CDH13: variants seen among roughly 807,000 people sequenced by gnomAD.
CDH13 encodes cadherin 13, also known as cadherin-13.
CDH13 carries 24 observed loss-of-function variants against 63.8 expected under a neutral mutation model. The observed-to-expected ratio is 0.38, with a 90% CI of 0.27 to 0.53. The LOEUF (loss-of-function observed/expected upper bound fraction) is 0.53, where lower values mean the gene tolerates loss of function less well. Among genes scored for constraint, CDH13 ranks in the 20% least tolerant of loss-of-function variants. CDH13 has a pLI of 0.85. For synonymous variants in CDH13, 503 were observed against 355.3 expected (o/e 1.42, Z -4.67); for missense variants, 1,049 against 903.1 (o/e 1.16, Z -2.07).
intron 1 of CDH13, among the ~76,000 whole-genome samples, chr16:82,676,647 A>G (rs1398536287): frequency 6.6e-6 from 1 of 152,088 alleles, no homozygotes; most frequent in Non-Finnish European, 1.5e-5. Context: ...TCATTTGATC[A>G]AAATCCTTCA....
chr16:83,177,189 G>T (rs532751943), intron 4 of CDH13, among the ~76,000 whole-genome samples: 1 of 152,208 alleles, frequency 6.6e-6, no homozygotes, highest in African/African-American at 2.4e-5. Flanking sequence ...TGTTCTAAGA[G>T]CATACCTCTG....
intron 1 of CDH13, among the ~76,000 whole-genome samples, chr16:82,640,959 C>A (rs1453929382): frequency 6.6e-6 from 1 of 152,110 alleles, no homozygotes; most frequent in Non-Finnish European, 1.5e-5. Context: ...AATAGAGACA[C>A]AGAATTGGGT....
At chr16:83,196,015 G>C (rs779868499) in intron 4 of CDH13, among the ~76,000 whole-genome samples, 3 of 152,174 alleles carry the variant, frequency 2.0e-5, no homozygotes, top group Non-Finnish European at 4.4e-5. Flanking sequence ...CAGCACTTTG[G>C]GAGGCCGAGG....
intron 1 of CDH13, among the ~76,000 whole-genome samples, chr16:82,717,217 T>A (rs1458366038): frequency 6.6e-6 from 1 of 151,988 alleles, no homozygotes; most frequent in African/African-American, 2.4e-5. Flanking sequence ...CAGAGATGCA[T>A]AAGAGGATGC....
chr16:83,315,538 T>C (rs759358579), intron 5 of CDH13, among the ~76,000 whole-genome samples: 7 of 151,966 alleles, frequency 4.6e-5, no homozygotes, highest in Non-Finnish European at 7.4e-5. Flanking sequence ...AGTAACTGCA[T>C]AAGACCTATA....
At chr16:83,103,201 C>G (rs1017834521) in intron 3 of CDH13, among the ~76,000 whole-genome samples, 1 of 149,780 alleles carries the variant, frequency 6.7e-6, no homozygotes, top group Non-Finnish European at 1.5e-5. Context: ...GATCCACCCA[C>G]CTCAACCTCC....
At chr16:82,998,000 A>G (rs1407174493) in intron 2 of CDH13, among the ~76,000 whole-genome samples, 1 of 152,210 alleles carries the variant, frequency 6.6e-6, no homozygotes, top group Non-Finnish European at 1.5e-5. Flanking sequence ...TCAGTGTTGT[A>G]TTTCATAAAT....
rs577312623 is a variant in CDH13 at position 83,394,616 on chromosome 16, G to A, written c.781+49610G>A. Reference sequence around the variant, plus strand: ...GAATGGTGAGCCGCCAAGGTTTTGAGCAGAAGCGTGACATGACCTGACTTG... The same window carrying A: ...GAATGGTGAGCCGCCAAGGTTTTGAACAGAAGCGTGACATGACCTGACTTG... On this transcript the variant is annotated intron_variant, in intron 6 of 13. Transcript: ENST00000567109. Among the ~76,000 whole-genome samples the A allele has an allele frequency of 2.0e-5, 3 of 152,322 alleles. No homozygotes were observed. The South Asian group carries it at 6.2e-4, about 32-fold the overall frequency.
At chr16:83,100,855 A>G (rs2034441544) in intron 3 of CDH13, among the ~76,000 whole-genome samples, 2 of 152,160 alleles carry the variant, frequency 1.3e-5, no homozygotes, top group South Asian at 4.1e-4. Context: ...TCCTGCAGGG[A>G]CTTTTGTACA....
In CDH13 at chr16:83,148,362, A is replaced by T. The variant is rs142116041; in HGVS notation, c.483+22861A>T. Among the ~76,000 whole-genome samples the T allele has an allele frequency of 5.3e-3, 807 of 151,722 alleles. 5 individuals carry two copies. Among genetic ancestry groups the T allele is most frequent in the South Asian group, 0.013 (62 of 4,828 alleles). On this transcript the variant is annotated intron_variant, in intron 4 of 13. Coordinates refer to ENST00000567109, the MANE Select transcript of CDH13 (RefSeq NM_001257.5). Reference sequence around the variant, plus strand: ...ACCATGTAGACAACATGTAGACAACATGGGTGGTGCCATGTAGGCTCATCC... The same window carrying T: ...ACCATGTAGACAACATGTAGACAACTTGGGTGGTGCCATGTAGGCTCATCC...
At chr16:83,376,309 G>A (rs1201952879) in intron 6 of CDH13, among the ~76,000 whole-genome samples, 1 of 152,120 alleles carries the variant, frequency 6.6e-6, no homozygotes, top group African/African-American at 2.4e-5. Flanking sequence ...AGACTCAAAG[G>A]GGCTTGTGCC....
chr16:83,418,282 G>C (rs536004152), intron 6 of CDH13, among the ~76,000 whole-genome samples: 1 of 152,166 alleles, frequency 6.6e-6, no homozygotes, highest in African/African-American at 2.4e-5. Context: ...TAGCTCAGCA[G>C]CTGGCACTTG....
chr16:83,326,253 G>A (rs914722240), intron 5 of CDH13, among the ~76,000 whole-genome samples: 1 of 151,964 alleles, frequency 6.6e-6, no homozygotes, highest in East Asian at 1.9e-4. Context: ...AAATTTCTTG[G>A]TAGCAATGCC....
At chr16:83,122,217 G>A (rs1452284601) in intron 3 of CDH13, among the ~76,000 whole-genome samples, 1 of 152,176 alleles carries the variant, frequency 6.6e-6, no homozygotes, top group Non-Finnish European at 1.5e-5. Flanking sequence ...GTCTCAGCTT[G>A]GTGCTAACAC....
At chr16:83,497,423 A>T (rs967587551) in intron 7 of CDH13, among the ~76,000 whole-genome samples, 14 of 150,418 alleles carry the variant, frequency 9.3e-5, no homozygotes, top group South Asian at 2.1e-4. Context: ...AAAAAACCAA[A>T]CACCGCATAT....
intron 1 of CDH13, among the ~76,000 whole-genome samples, chr16:82,789,378 C>T (rs1460087339): frequency 1.3e-5 from 2 of 152,194 alleles, no homozygotes; most frequent in African/African-American, 4.8e-5. Context: ...GATATATGCT[C>T]TTTATATCTC....
intron 7 of CDH13, among the ~76,000 whole-genome samples, chr16:83,557,410 T>C (rs1165693650): frequency 6.6e-6 from 1 of 152,050 alleles, no homozygotes; most frequent in Non-Finnish European, 1.5e-5. Flanking sequence ...CGTGGAAAAA[T>C]TGCCTTCCAC....
rs372843924 is a variant in CDH13 at position 83,014,802 on chromosome 16, A to G, written c.158-17208A>G. On this transcript the variant is annotated intron_variant, in intron 2 of 13. Coordinates refer to ENST00000567109, the MANE Select transcript of CDH13 (RefSeq NM_001257.5). The stretch of plus-strand genomic sequence containing the variant: ...TATATATATATATTTGTATATATAT[A>G]TGTATATATATTTGTATATATATAT... 8.1e-4 allele frequency among the ~76,000 whole-genome samples: 53 copies of G among 65,358 alleles called. 1 individual carries two copies. The South Asian group carries it at 0.017, about 21-fold the overall frequency. The allele number at this position is 65,358 out of a possible 152,430, so 42.9% of individuals were successfully genotyped here.
chr16:83,472,364 T>A (rs1403846600), intron 6 of CDH13, among the ~76,000 whole-genome samples: 1 of 152,210 alleles, frequency 6.6e-6, no homozygotes, highest in Admixed American at 6.5e-5. Flanking sequence ...CAACCCAGAC[T>A]TTCTTTAACA....
Sources: gnomAD v4.1 joint callset for allele counts (sites outside exome capture counted in the v4.1 genomes callset) on GRCh38, gnomAD v4.1.1 for gene constraint, MANE v1.5 for transcripts, NCBI Gene and HGNC (gene_info 2026-07-23, HGNC 2026-07-21) for gene names.